The following ELF1 variants were observed in gnomAD, a reference collection of about 807,000 sequenced individuals.
The protein encoded by ELF1 is ETS-related transcription factor Elf-1.
Under a neutral mutation model 59.9 loss-of-function variants are expected in ELF1, and 24 were observed. The observed-to-expected ratio is 0.40, with a 90% CI of 0.29 to 0.56. The LOEUF is 0.56. Ranked by LOEUF, ELF1 falls within the 20% of genes least tolerant of loss-of-function variation. The pLI is 0.44. For missense variants in ELF1, 627 were observed against 742.2 expected (o/e 0.84, Z 1.80); for synonymous variants, 248 against 266.2 (o/e 0.93, Z 0.67).
Position 40,933,308 on chromosome 13 carries a change from T to C in ELF1, c.*117A>G, listed in dbSNP as rs1869530991. On this transcript the variant is annotated 3_prime_UTR_variant, in exon 9 of 9. Coordinates refer to ENST00000239882, the MANE Select transcript of ELF1 (RefSeq NM_172373.4). ...TCTAACAAAGTCAAAATTAACTCTA[T>C]TTTTAACAATTACAAAATTAGAAAC... is the stretch of plus-strand genomic sequence containing the variant. 2.3e-6 allele frequency: 3 copies of C among 1,322,186 alleles called. No homozygotes were observed. The highest frequency in any genetic ancestry group is 5.0e-5 in the East Asian group (2 of 40,304). The allele number at this position is 1,322,186 out of a possible 1,614,324, so 81.9% of individuals were successfully genotyped here. A position where few individuals can be genotyped will look rare whatever the true frequency, so the allele number is the denominator to read the frequency against.
chr13:41,031,381 T>G (rs1876155736), intron 1 of ELF1, among the ~76,000 whole-genome samples: 1 of 152,148 alleles, frequency 6.6e-6, no homozygotes, highest in Admixed American at 6.5e-5. Flanking sequence ...AGTTTCCTTT[T>G]TTGTAAAATA....
rs187126563 is a variant in ELF1 at position 41,014,301 on chromosome 13, C to T, written c.-229+4927G>A. On this transcript the variant is annotated intron_variant, in intron 1 of 8. Coordinates refer to ENST00000239882, the MANE Select transcript of ELF1 (RefSeq NM_172373.4). ...AAAAATTGTTAAACCAATCTTCATA[C>T]AAACTATAGAAGGCAAGAGGGCTCT... Among the ~76,000 whole-genome samples the T allele has an allele frequency of 2.2e-4, 34 of 152,190 alleles. No individual in the cohort carries two copies. The East Asian group carries it at 5.8e-3, about 26-fold the overall frequency.
intron 3 of ELF1, among the ~76,000 whole-genome samples, chr13:40,955,889 A>G (rs71425016): frequency 0.59 from 53,024 of 89,480 alleles, 18,113 homozygotes; most frequent in Non-Finnish European, 0.72. Context: ...CACCCCATCC[A>G]GGAGGGAGGC....
intron 2 of ELF1, among the ~76,000 whole-genome samples, chr13:40,973,646 T>C (rs1265153344): frequency 2.6e-5 from 4 of 151,950 alleles, no homozygotes; most frequent in African/African-American, 9.7e-5. Flanking sequence ...AATTTCCTTT[T>C]TTTTTTTTTA....
At chr13:40,988,694 CTAAAAAG>C (rs1490258098) in intron 1 of ELF1, among the ~76,000 whole-genome samples, 2 of 152,168 alleles carry the variant, frequency 1.3e-5, no homozygotes, top group Non-Finnish European at 2.9e-5. Flanking sequence ...TTCACTCAGC[CTAAAAAG>C]TAAAAAGGAA....
chr13:40,941,122 G>C lies in ELF1; in HGVS notation c.1055C>G (p.Ala352Gly). ...TTVLKPGNSK[A>G]AKPKDPVEVA... Reference sequence around the variant, plus strand: ...TTCCACAGGATCTTTGGGTTTTGCAGCTTTAGAATTCCCTGGTTTTAGAAC... The same window carrying C: ...TTCCACAGGATCTTTGGGTTTTGCACCTTTAGAATTCCCTGGTTTTAGAAC... Residue 352 changes from alanine (A) to glycine (G), a missense_variant, in exon 8 of 9, where the codon GCT (alanine) becomes GGT (glycine). Physicochemically the swap from Ala to Gly is moderately conservative, Grantham distance 60 (BLOSUM62 0). Transcript: ENST00000239882. The C allele has an allele frequency of 2.5e-6, 4 of 1,614,162 alleles. No individual in the cohort carries two copies. Among genetic ancestry groups the C allele is most frequent in the Non-Finnish European group, 3.4e-6 (4 of 1,180,034 alleles).
At chr13:40,950,256 T>G (rs1870769625) in intron 4 of ELF1, among the ~76,000 whole-genome samples, 1 of 152,168 alleles carries the variant, frequency 6.6e-6, no homozygotes, top group African/African-American at 2.4e-5. Context: ...TTCTGAAACC[T>G]AAGTCTGACC....
chr13:41,048,142 T>C lies in ELF1; in HGVS notation c.-229+12696A>G, dbSNP rs555948715. On this transcript the variant is annotated intron_variant, in intron 1 of 1. Coordinates refer to the ELF1 transcript ENST00000405737. ...CCGTTGGAAAAGCACAGTATTAGGG[T>C]GGGAGTGACCCGATTTTCTAGGTGC... Among the ~76,000 whole-genome samples the C allele has an allele frequency of 1.6e-3, 237 of 152,180 alleles. 3 individuals carry two copies. The highest frequency in any genetic ancestry group is 2.1e-3 in the Non-Finnish European group (146 of 68,022).
In ELF1 at chr13:41,019,248, T is replaced by A. The variant is rs554194812; in HGVS notation, c.-249A>T. On this transcript the variant is annotated 5_prime_UTR_variant, in exon 1 of 9. Coordinates refer to ENST00000239882, the MANE Select transcript of ELF1 (RefSeq NM_172373.4). Reference sequence around the variant, plus strand: ...GTTACCTTCAAGTATTCTTTCTCTATCGTCTTTTGAGCTTGAAAATAAAAA... The same window carrying A: ...GTTACCTTCAAGTATTCTTTCTCTAACGTCTTTTGAGCTTGAAAATAAAAA... 3.0e-6 allele frequency: 3 copies of A among 985,458 alleles called. No individual in the cohort carries two copies. In the African/African-American group the frequency reaches 5.2e-5, roughly 17 times the overall value. 61.0% of individuals were successfully genotyped at this position (985,458 alleles called of 1,614,324 possible).
At chr13:41,017,587 C>A (rs11147833) in intron 1 of ELF1, among the ~76,000 whole-genome samples, 1 of 151,850 alleles carries the variant, frequency 6.6e-6, no homozygotes, top group Non-Finnish European at 1.5e-5. Context: ...CTTTTTACCC[C>A]CCCTTCTCCC....
intron 1 of ELF1, among the ~76,000 whole-genome samples, chr13:41,042,009 ATAT>A (rs1204419860): frequency 6.6e-6 from 1 of 151,970 alleles, no homozygotes; most frequent in African/African-American, 2.4e-5. Context: ...TCTATAGGAG[ATAT>A]TATTTATTTA....
At chr13:41,014,728 A>T (rs1251711280) in intron 1 of ELF1, among the ~76,000 whole-genome samples, 1 of 152,156 alleles carries the variant, frequency 6.6e-6, no homozygotes, top group East Asian at 1.9e-4. Flanking sequence ...TAGTCTGGCT[A>T]ATTTATGGAA....
exon 1 of ELF1, chr13:41,060,955 C>CCGCCGCCGCCGCCGCCGCCG (rs1445082763): frequency 2.8e-6 from 1 of 353,888 alleles, no homozygotes; most frequent in Non-Finnish European, 5.7e-6. Flanking sequence ...GCTGCTGCTG[C>CCGCCGCCGCCGCCGCCGCCG]CCACACGCTC....
At chr13:40,940,386 G>GAAAAAAAAAAAAAAAAAAAAAAA in intron 8 of ELF1, among the ~76,000 whole-genome samples, 1 of 109,896 alleles carries the variant, frequency 9.1e-6, no homozygotes. Context: ...TGATTTAACT[G>GAAAAAAAAAAAAAAAAAAAAAAA]AAAAAAAAAA....
At chr13:40,974,259 T>G (rs1455250637) in intron 2 of ELF1, among the ~76,000 whole-genome samples, 1 of 152,188 alleles carries the variant, frequency 6.6e-6, no homozygotes, top group African/African-American at 2.4e-5. Context: ...GTAATTATAC[T>G]AATTAGCTAA....
intron 2 of ELF1, among the ~76,000 whole-genome samples, chr13:40,969,413 C>CT (rs1382049983): frequency 1.3e-5 from 2 of 152,252 alleles, no homozygotes; most frequent in East Asian, 1.9e-4. Flanking sequence ...CCTTCAACCT[C>CT]TTTGAGATTC....
intron 1 of ELF1, among the ~76,000 whole-genome samples, chr13:41,029,851 A>G (rs994515980): frequency 3.3e-5 from 5 of 152,154 alleles, no homozygotes; most frequent in African/African-American, 1.2e-4. Context: ...ACCAAAACTG[A>G]GACAGGAAAG....
At chr13:41,051,552 A>G (rs1877088863) in intron 1 of ELF1, among the ~76,000 whole-genome samples, 1 of 152,168 alleles carries the variant, frequency 6.6e-6, no homozygotes, top group Admixed American at 6.5e-5. Context: ...TGAAAAACAC[A>G]CACACACACA....
At chr13:41,031,818 CAAA>C (rs3072004) in intron 1 of ELF1, among the ~76,000 whole-genome samples, 64 of 82,190 alleles carry the variant, frequency 7.8e-4, no homozygotes, top group East Asian at 3.5e-3. Flanking sequence ...GACTCCGTGT[CAAA>C]AAAAAAAAAA....
Sources: allele counts gnomAD v4.1 joint callset (sites outside exome capture counted in the v4.1 genomes callset), GRCh38; gene constraint gnomAD v4.1.1; transcripts MANE v1.5; gene names NCBI Gene and HGNC (gene_info 2026-07-23, HGNC 2026-07-21).